Variants in CSRNP3 observed in about 807,000 individuals in gnomAD.
CSRNP3 encodes the protein cysteine/serine-rich nuclear protein 3.
CSRNP3 carries 12 observed loss-of-function variants against 48.0 expected under a neutral mutation model. That is an observed-to-expected ratio of 0.25 (90% CI 0.16 to 0.41). The LOEUF (loss-of-function observed/expected upper bound fraction) is 0.41, where lower values mean the gene tolerates loss of function less well. Ranked by LOEUF, CSRNP3 falls within the 10% of genes least tolerant of loss-of-function variation. CSRNP3 has a pLI of 1.00. For missense variants in CSRNP3, 580 were observed against 724.4 expected (o/e 0.80, Z 2.29); for synonymous variants, 263 against 269.7 (o/e 0.98, Z 0.24).
At position 165,643,722 on chromosome 2, in the gene CSRNP3, C is replaced by T. The variant is rs147636300; in HGVS notation, c.149-14039C>T. Among the ~76,000 whole-genome samples, 142 of 152,204 alleles carry T rather than the reference C, an allele frequency of 9.3e-4. No homozygotes were observed. The Middle Eastern group carries it at 0.017, about 18-fold the overall frequency. ...TTCATATTTTTATAAAATTTAAAAT[C>T]GTCTTTGCTTATTTCTGCTCCTTCT... On this transcript the variant is annotated intron_variant, in intron 4 of 6. Coordinates refer to ENST00000651982, the MANE Select transcript of CSRNP3 (RefSeq NM_001172173.2).
intron 2 of CSRNP3, among the ~76,000 whole-genome samples, chr2:165,510,870 T>C (rs1200358958): frequency 1.3e-5 from 2 of 152,172 alleles, no homozygotes; most frequent in Non-Finnish European, 2.9e-5. Context: ...TAAATGGTGC[T>C]ACTTAAAGAC....
At chr2:165,523,103 C>A (rs1684685112) in intron 3 of CSRNP3, among the ~76,000 whole-genome samples, 1 of 152,134 alleles carries the variant, frequency 6.6e-6, no homozygotes, top group Admixed American at 6.5e-5. Context: ...TGAATCTTTG[C>A]AATCCCCTCC....
intron 1 of CSRNP3, among the ~76,000 whole-genome samples, chr2:165,486,078 G>C (rs1460710257): frequency 1.3e-5 from 2 of 152,216 alleles, no homozygotes; most frequent in African/African-American, 4.8e-5. Flanking sequence ...GCGCAGGCCA[G>C]TGGGTGCGCG....
rs912984494 is a variant in CSRNP3 at position 165,681,638 on chromosome 2, G to T, written c.*1885G>T. Reference sequence around the variant, plus strand: ...GAGCTTTGGGTTTGTCTTTATGTAGGTTGCAGTAATGAGAGCAGGGTTGTT... The same window carrying T: ...GAGCTTTGGGTTTGTCTTTATGTAGTTTGCAGTAATGAGAGCAGGGTTGTT... On this transcript the variant is annotated 3_prime_UTR_variant, in exon 7 of 7. Transcript: ENST00000651982. The T allele has an allele frequency of 1.3e-5, 2 of 148,962 alleles. No homozygotes were observed. The highest frequency in any genetic ancestry group is 1.3e-4 in the Admixed American group (2 of 14,836). 9.2% of individuals were successfully genotyped at this position (148,962 alleles called of 1,614,324 possible).
chr2:165,638,166 T>C (rs1459775394), intron 4 of CSRNP3, among the ~76,000 whole-genome samples: 1 of 152,180 alleles, frequency 6.6e-6, no homozygotes, highest in East Asian at 1.9e-4. Flanking sequence ...CATTTTGACA[T>C]AAATCATTTT....
intron 4 of CSRNP3, among the ~76,000 whole-genome samples, chr2:165,649,891 C>T (rs1476626180): frequency 6.6e-6 from 1 of 152,114 alleles, no homozygotes; most frequent in Non-Finnish European, 1.5e-5. Context: ...AATTCCAAAA[C>T]ATTGGGTAAT....
intron 3 of CSRNP3, among the ~76,000 whole-genome samples, chr2:165,526,091 G>A (rs752594321): frequency 3.3e-5 from 5 of 152,074 alleles, no homozygotes; most frequent in Admixed American, 1.3e-4. Flanking sequence ...TCCGACTGAC[G>A]TATGTATTTA....
intron 6 of CSRNP3, 71 bp downstream of exon 6, chr2:165,676,679 T>C (rs1687431626): frequency 2.1e-6 from 3 of 1,406,040 alleles, no homozygotes; most frequent in South Asian, 2.5e-5. Context: ...GCAGTCATGG[T>C]ACCTATAATG....
rs1285232987 is a variant in CSRNP3 at position 165,528,727 on chromosome 2, T to C, written c.-24+10766T>C. Reference sequence around the variant, plus strand: ...CAGTACCATACTGTTTTTACTATTATTTCTTTGTAATATACTTTGAAGTCA... The same window carrying C: ...CAGTACCATACTGTTTTTACTATTACTTCTTTGTAATATACTTTGAAGTCA... On this transcript the variant is annotated intron_variant, in intron 3 of 6. Coordinates refer to ENST00000651982, the MANE Select transcript of CSRNP3 (RefSeq NM_001172173.2). 5.9e-5 allele frequency among the ~76,000 whole-genome samples: 9 copies of C among 152,370 alleles called. No individual in the cohort carries two copies. The East Asian group carries it at 1.7e-3, about 29-fold the overall frequency.
intron 3 of CSRNP3, among the ~76,000 whole-genome samples, chr2:165,525,550 G>A (rs1011485992): frequency 1.3e-5 from 2 of 148,698 alleles, no homozygotes; most frequent in Admixed American, 6.7e-5. Context: ...GCAGTGGTGC[G>A]ATCTAGGCTG....
chr2:165,517,461 A>G (rs181446629), intron 2 of CSRNP3, among the ~76,000 whole-genome samples: 1 of 152,044 alleles, frequency 6.6e-6, no homozygotes, highest in East Asian at 1.9e-4. Context: ...ATTTTTATTG[A>G]CTGTCAAAAG....
chr2:165,679,112 G>A lies in CSRNP3; in HGVS notation c.1117G>A (p.Glu373Lys), dbSNP rs1378936406. 5 of 1,613,824 alleles carry A rather than the reference G, an allele frequency of 3.1e-6. No individual in the cohort carries two copies. Among genetic ancestry groups the A allele is most frequent in the Non-Finnish European group, 4.2e-6 (5 of 1,179,962 alleles). Reference protein sequence around the residue: ...SLAPSESDEEEEEEEEEEEEE... With the variant: ...SLAPSESDEEKEEEEEEEEEE... ...GGCACCTAGTGAGTCAGACGAGGAG[G>A]AGGAGGAAGAAGAAGAGGAAGAGGA... Residue 373 changes from glutamate to lysine, a missense_variant, in exon 7 of 7, where the codon GAG becomes AAG. Glu to Lys is a moderately conservative substitution (Grantham distance 56, BLOSUM62 1). Around this residue, in one of 4 missense-constraint regions of CSRNP3, gnomAD observed 369 missense variants for 380.8 expected, o/e 0.97. Coordinates refer to ENST00000651982, the MANE Select transcript of CSRNP3 (RefSeq NM_001172173.2).
intron 3 of CSRNP3, among the ~76,000 whole-genome samples, chr2:165,562,240 A>G (rs1005231633): frequency 6.6e-6 from 1 of 152,190 alleles, no homozygotes; most frequent in Non-Finnish European, 1.5e-5. Flanking sequence ...AGACATGGAG[A>G]AAGGTTGAAG....
At chr2:165,563,033 C>G (rs1685254266) in intron 3 of CSRNP3, among the ~76,000 whole-genome samples, 1 of 152,100 alleles carries the variant, frequency 6.6e-6, no homozygotes, top group Non-Finnish European at 1.5e-5. Flanking sequence ...GTGCTATAGA[C>G]TGAAAATGTG....
intron 4 of CSRNP3, among the ~76,000 whole-genome samples, chr2:165,651,657 CT>C (rs35970195): frequency 1.6e-3 from 212 of 132,162 alleles, no homozygotes; most frequent in Non-Finnish European, 1.8e-3. Flanking sequence ...ATTTTGAAAG[CT>C]TTTTTTTTTT....
rs781258442 is a variant in CSRNP3 at position 165,679,117 on chromosome 2, GGAA to G, written c.1131_1133del (p.Glu383del). 6.6e-5 allele frequency: 107 copies of G among 1,613,570 alleles called. No individual in the cohort carries two copies. The highest frequency in any genetic ancestry group is 1.3e-4 in the African/African-American group (10 of 74,834). ...CTAGTGAGTCAGACGAGGAGGAGGAGGAAGAAGAAGAGGAAGAGGAGGAGGAGG... is the reference window on the plus strand; with the variant it reads ...CTAGTGAGTCAGACGAGGAGGAGGAGGAAGAAGAGGAAGAGGAGGAGGAGG... On this transcript the variant is annotated inframe_deletion, in exon 7 of 7. Coordinates refer to ENST00000651982, the MANE Select transcript of CSRNP3 (RefSeq NM_001172173.2).
intron 5 of CSRNP3, among the ~76,000 whole-genome samples, chr2:165,664,352 G>T (rs989241120): frequency 5.3e-5 from 8 of 152,174 alleles, no homozygotes; most frequent in African/African-American, 1.9e-4. Context: ...TGGTGATCCA[G>T]AGCACACAGC....
Position 165,592,801 on chromosome 2 carries a change from CA to C in CSRNP3, c.-23-2241del, listed in dbSNP as rs1558943740. Among the ~76,000 whole-genome samples the C allele has an allele frequency of 2.0e-4, 27 of 133,414 alleles. 5 individuals are homozygous for C. Among genetic ancestry groups the C allele is most frequent in the South Asian group, 2.4e-4 (1 of 4,152 alleles). 87.5% of individuals were successfully genotyped at this position (133,414 alleles called of 152,430 possible). On this transcript the variant is annotated intron_variant, in intron 3 of 6. Coordinates refer to ENST00000651982, the MANE Select transcript of CSRNP3 (RefSeq NM_001172173.2). ...ACTGTGAGTCAATTAAACCTCTTTT[CA>C]TTTTTTTTTTTTTTTTTGAGACGGA... is the stretch of plus-strand genomic sequence containing the variant.
In CSRNP3 at chr2:165,521,950, A is replaced by C. The variant is rs529886947; in HGVS notation, c.-24+3989A>C. Among the ~76,000 whole-genome samples the C allele has an allele frequency of 7.2e-5, 11 of 152,242 alleles. No homozygotes were observed. The East Asian group carries it at 2.1e-3, about 29-fold the overall frequency. Reference sequence around the variant, plus strand: ...AAACTTCCATCCACTCTACTACAACAACCACAAAACCTCCTTAGCACCTCC... The same window carrying C: ...AAACTTCCATCCACTCTACTACAACCACCACAAAACCTCCTTAGCACCTCC... On this transcript the variant is annotated intron_variant, in intron 3 of 6. Transcript: ENST00000651982.
Sources: allele counts gnomAD v4.1 joint callset (sites outside exome capture counted in the v4.1 genomes callset), GRCh38; gene constraint gnomAD v4.1.1; regional missense constraint gnomAD v4.1.1; transcripts MANE v1.5; gene names NCBI Gene and HGNC (gene_info 2026-07-23, HGNC 2026-07-21).